FANK1: variants seen among roughly 807,000 people sequenced by gnomAD.
The protein encoded by FANK1 is fibronectin type 3 and ankyrin repeat domains protein 1.
In FANK1, 44 loss-of-function variants were observed where a neutral mutation model predicts 45.3. The ratio of observed to expected loss-of-function variants is 0.97; its 90% confidence interval spans 0.76 to 1.25. The LOEUF is 1.25. FANK1 is among the 50% of genes most tolerant of loss of function. The pLI, the probability that FANK1 is intolerant of heterozygous loss-of-function variation, is 0.00. For missense variants in FANK1, 391 were observed against 424.4 expected (o/e 0.92, Z 0.69); for synonymous variants, 149 against 152.5 (o/e 0.98, Z 0.17).
chr10:125,996,732 GT>G (rs1952360958), intron 5 of FANK1, 108 bp downstream of exon 5: 2 of 1,021,200 alleles, frequency 2.0e-6, no homozygotes, highest in Admixed American at 2.3e-5. Flanking sequence ...TGGAGGAACC[GT>G]TTCTTTTCTA....
chr10:125,925,434 C>T (rs1399226246), intron 1 of FANK1, among the ~76,000 whole-genome samples: 1 of 152,178 alleles, frequency 6.6e-6, no homozygotes, highest in Non-Finnish European at 1.5e-5. Context: ...TCCCACTGTG[C>T]TGCCCAGGCT....
At chr10:125,900,395 TA>T in intron 1 of FANK1, among the ~76,000 whole-genome samples, 1 of 151,882 alleles carries the variant, frequency 6.6e-6, no homozygotes, top group Admixed American at 6.6e-5. Context: ...TCAATAGTAC[TA>T]TCTCTTCCTT....
intron 1 of FANK1, among the ~76,000 whole-genome samples, chr10:125,950,920 A>AT (rs1949170956): frequency 6.6e-6 from 1 of 151,312 alleles, no homozygotes; most frequent in Admixed American, 6.6e-5. Context: ...GCCATAAAAA[A>AT]TGATGAGTTC....
At chr10:125,985,160 A>G (rs1951471672) in intron 2 of FANK1, among the ~76,000 whole-genome samples, 1 of 152,206 alleles carries the variant, frequency 6.6e-6, no homozygotes, top group Non-Finnish European at 1.5e-5. Context: ...ACCTTATGAT[A>G]TTTAGCAATA....
At chr10:125,989,288 C>CT (rs2134211384) in intron 3 of FANK1, 1 of 1,550,256 alleles carries the variant, frequency 6.5e-7, no homozygotes, top group African/African-American at 1.4e-5. Context: ...AGGGCCATCT[C>CT]TGAGCAAGAG....
At chr10:125,914,279 C>CTATATATATATATATA (rs1564865065) in intron 1 of FANK1, among the ~76,000 whole-genome samples, 1 of 69,084 alleles carries the variant, frequency 1.4e-5, no homozygotes, top group African/African-American at 6.9e-5. Flanking sequence ...TCTTTGTATG[C>CTATATATATATATATA]CATATATATA....
At chr10:125,985,118 G>T (rs181666926) in intron 2 of FANK1, among the ~76,000 whole-genome samples, 2 of 152,316 alleles carry the variant, frequency 1.3e-5, no homozygotes, top group Non-Finnish European at 2.9e-5. Context: ...TCCCTTTCCA[G>T]GGGTTATGGA....
intron 1 of FANK1, among the ~76,000 whole-genome samples, chr10:125,977,592 C>T (rs1950933969): frequency 6.6e-6 from 1 of 152,120 alleles, no homozygotes; most frequent in South Asian, 2.1e-4. Context: ...TGTTTATGTT[C>T]CTTTCTCAGC....
chr10:125,942,402 T>C (rs923812695), intron 1 of FANK1, among the ~76,000 whole-genome samples: 1 of 152,250 alleles, frequency 6.6e-6, no homozygotes, highest in Admixed American at 6.5e-5. Flanking sequence ...TTTATTCTTA[T>C]AAAGATGTCA....
chr10:125,945,729 C>A (rs566536494), intron 1 of FANK1, among the ~76,000 whole-genome samples: 2 of 152,204 alleles, frequency 1.3e-5, no homozygotes, highest in Non-Finnish European at 2.9e-5. Flanking sequence ...CCAGGAGGCT[C>A]GAACTGGGTG....
In FANK1 at chr10:125,997,405, G is replaced by C. The variant is rs1952418688; in HGVS notation, c.474-15G>C. 2 of 1,612,376 alleles carry C rather than the reference G, an allele frequency of 1.2e-6. No homozygotes were observed. Among genetic ancestry groups the C allele is most frequent in the African/African-American group, 1.3e-5 (1 of 74,888 alleles). ...AGGTGACTTATCTAGCTACACTTAA[G>C]TTTGTTTCCTTTAGGCTTGTGAAAA... On this transcript the variant is annotated splice_polypyrimidine_tract_variant and intron_variant, in intron 5 of 10. Coordinates refer to ENST00000368693, the MANE Select transcript of FANK1 (RefSeq NM_145235.5).
chr10:125,996,589 C>G lies in FANK1; in HGVS notation c.438C>G (p.Thr146=). Reference sequence around the variant, plus strand: ...ATGTTCCCAATAAGTTTGGCTTTACCGCTCTGATGGTTGCTGCCCAGAAAG... The same window carrying G: ...ATGTTCCCAATAAGTTTGGCTTTACGGCTCTGATGGTTGCTGCCCAGAAAG... ...KVDVPNKFGF[T]ALMVAAQKGY... The change falls in exon 5 of 11, where the codon ACC becomes ACG. Residue 146 remains threonine, a synonymous_variant. Transcript: ENST00000368693. The G allele has an allele frequency of 6.2e-7, 1 of 1,614,142 alleles. No homozygotes were observed. The highest frequency in any genetic ancestry group is 8.5e-7 in the Non-Finnish European group (1 of 1,180,022).
chr10:125,913,201 GATACT>G (rs1946168276), intron 1 of FANK1, among the ~76,000 whole-genome samples: 1 of 152,186 alleles, frequency 6.6e-6, no homozygotes, highest in South Asian at 2.1e-4. Context: ...TGATTCTAAA[GATACT>G]GGTAATTCTC....
chr10:125,984,074 G>T (rs1342586609), intron 2 of FANK1, among the ~76,000 whole-genome samples: 2 of 152,148 alleles, frequency 1.3e-5, no homozygotes, highest in Non-Finnish European at 2.9e-5. Context: ...TGAGAGAGAG[G>T]ATGGTCAAGG....
At chr10:125,986,213 C>T (rs1951549861) in intron 2 of FANK1, among the ~76,000 whole-genome samples, 1 of 152,156 alleles carries the variant, frequency 6.6e-6, no homozygotes, top group Non-Finnish European at 1.5e-5. Flanking sequence ...AATCCACCAG[C>T]ACAGAGCAGG....
chr10:125,961,521 A>G (rs1949928148), intron 1 of FANK1, among the ~76,000 whole-genome samples: 1 of 152,148 alleles, frequency 6.6e-6, no homozygotes, highest in African/African-American at 2.4e-5. Flanking sequence ...ATGAAAATAG[A>G]CCCTCACCTC....
chr10:125,989,272 A>G (rs1482388041), intron 3 of FANK1: 3 of 1,549,228 alleles, frequency 1.9e-6, no homozygotes, highest in Non-Finnish European at 2.6e-6. Flanking sequence ...GATGCTATCT[A>G]TGTCCAGGGC....
chr10:125,945,388 G>T (rs566515341), intron 1 of FANK1, among the ~76,000 whole-genome samples: 4 of 152,304 alleles, frequency 2.6e-5, no homozygotes, highest in Non-Finnish European at 4.4e-5. Context: ...AGGCCAGTGG[G>T]TGCGCGCACC....
chr10:125,985,984 G>A (rs1951532664), intron 2 of FANK1, among the ~76,000 whole-genome samples: 1 of 152,076 alleles, frequency 6.6e-6, no homozygotes, highest in East Asian at 1.9e-4. Context: ...AAACTTCTGG[G>A]CATCTTAAGG....
Sources: allele counts gnomAD v4.1 joint callset (sites outside exome capture counted in the v4.1 genomes callset), GRCh38; gene constraint gnomAD v4.1.1; transcripts MANE v1.5; gene names NCBI Gene and HGNC (gene_info 2026-07-23, HGNC 2026-07-21).